The following TRPC6 variants were observed in gnomAD, a reference collection of about 807,000 sequenced individuals.
TRPC6 encodes the protein short transient receptor potential channel 6.
TRPC6 carries 55 observed loss-of-function variants against 90.7 expected under a neutral mutation model. That is an observed-to-expected ratio of 0.61 (90% CI 0.49 to 0.76). The LOEUF (loss-of-function observed/expected upper bound fraction) is 0.76. TRPC6 is among the 30% of genes least tolerant of loss of function. The pLI is 0.00. For synonymous variants in TRPC6, 393 were observed against 393.0 expected, an observed-to-expected ratio of 1.00 and a Z score of 0.00; for missense variants, 989 against 1,122.7, an observed-to-expected ratio of 0.88 and a Z score of 1.70.
intron 11 of TRPC6, among the ~76,000 whole-genome samples, chr11:101,454,641 G>T (rs1185246923): frequency 6.6e-6 from 1 of 151,422 alleles, no homozygotes; most frequent in East Asian, 1.9e-4. Flanking sequence ...TAAAATATAT[G>T]TAAAATTATG....
intron 2 of TRPC6, among the ~76,000 whole-genome samples, chr11:101,502,822 A>G (rs989397133): frequency 2.0e-5 from 3 of 152,170 alleles, no homozygotes; most frequent in African/African-American, 7.2e-5. Flanking sequence ...CTTTCTGGAT[A>G]GACTGGACCT....
chr11:101,549,675 T>C (rs1861409213), intron 1 of TRPC6, among the ~76,000 whole-genome samples: 1 of 148,698 alleles, frequency 6.7e-6, no homozygotes, highest in African/African-American at 2.5e-5. Flanking sequence ...AGAAAACTTG[T>C]ATGCAAAATG....
chr11:101,572,275 T>C (rs905976783), intron 1 of TRPC6, among the ~76,000 whole-genome samples: 9 of 149,494 alleles, frequency 6.0e-5, no homozygotes, highest in African/African-American at 2.2e-4. Context: ...AAAAAAAAAC[T>C]CATTAGAGAA....
chr11:101,559,651 T>C (rs1861668422), intron 1 of TRPC6, among the ~76,000 whole-genome samples: 1 of 151,788 alleles, frequency 6.6e-6, no homozygotes, highest in Non-Finnish European at 1.5e-5. Context: ...TTTTTTATTA[T>C]ACTTTAAGTT....
chr11:101,453,229 G>A (rs1252562727), intron 12 of TRPC6, 123 bp from the exon 13 acceptor site: 4 of 993,460 alleles, frequency 4.0e-6, no homozygotes, highest in Admixed American at 4.0e-5. Flanking sequence ...TCCTTTGAAA[G>A]GAAATAACTT....
intron 1 of TRPC6, among the ~76,000 whole-genome samples, chr11:101,515,617 T>C (rs1361421387): frequency 6.6e-6 from 1 of 152,174 alleles, no homozygotes; most frequent in Non-Finnish European, 1.5e-5. Context: ...TAGGAGTTTC[T>C]CAAATTATTT....
intron 10 of TRPC6, among the ~76,000 whole-genome samples, chr11:101,463,348 C>T (rs543331478): frequency 9.8e-5 from 15 of 152,298 alleles, no homozygotes; most frequent in African/African-American, 3.4e-4. Context: ...AGCATTCCCT[C>T]TTTTTCTATT....
chr11:101,497,005 A>G lies in TRPC6; in HGVS notation c.946-5267T>C, dbSNP rs563434494. On this transcript the variant is annotated intron_variant, in intron 2 of 12. Transcript: ENST00000344327. ...TCTTAGTCGTCTTTGAATCCTCCCA[A>G]CCTAGCATGGTGTGAGGTACGTAGT... Among the ~76,000 whole-genome samples the G allele has an allele frequency of 7.9e-5, 12 of 152,282 alleles. No individual in the cohort carries two copies. The East Asian group carries it at 2.3e-3, about 29-fold the overall frequency.
intron 1 of TRPC6, among the ~76,000 whole-genome samples, chr11:101,578,455 G>A (rs1423881219): frequency 6.6e-6 from 1 of 152,044 alleles, no homozygotes; most frequent in African/African-American, 2.4e-5. Context: ...AATATGTGGG[G>A]GATTTTACTT....
chr11:101,497,658 G>T (rs776654459), intron 2 of TRPC6, among the ~76,000 whole-genome samples: 25 of 152,280 alleles, frequency 1.6e-4, no homozygotes, highest in South Asian at 4.2e-4. Flanking sequence ...TGACAGAGAA[G>T]AGGACAATTC....
chr11:101,555,732 C>G (rs1054024789), intron 1 of TRPC6, among the ~76,000 whole-genome samples: 1 of 152,054 alleles, frequency 6.6e-6, no homozygotes, highest in Non-Finnish European at 1.5e-5. Context: ...TCTATGAGAA[C>G]TAGTCATTTT....
At chr11:101,498,207 T>C (rs1000076920) in intron 2 of TRPC6, among the ~76,000 whole-genome samples, 2 of 152,222 alleles carry the variant, frequency 1.3e-5, no homozygotes, top group Admixed American at 1.3e-4. Context: ...TGTTTTTTAC[T>C]GACTTTGTGT....
At chr11:101,482,345 T>G (rs908812218) in intron 5 of TRPC6, among the ~76,000 whole-genome samples, 2 of 152,204 alleles carry the variant, frequency 1.3e-5, no homozygotes, top group Non-Finnish European at 2.9e-5. Flanking sequence ...ACATGTATGA[T>G]TGATTCTAAA....
intron 2 of TRPC6, among the ~76,000 whole-genome samples, chr11:101,502,469 GAACA>G (rs1860153463): frequency 6.6e-6 from 1 of 152,142 alleles, no homozygotes; most frequent in Non-Finnish European, 1.5e-5. Flanking sequence ...GTGAATTAAT[GAACA>G]AATAAAGAAT....
intron 1 of TRPC6, among the ~76,000 whole-genome samples, chr11:101,582,043 A>G (rs1205649001): frequency 6.6e-6 from 1 of 152,254 alleles, no homozygotes; most frequent in African/African-American, 2.4e-5. Context: ...GATATATTAA[A>G]AATAGTGCAT....
intron 1 of TRPC6, among the ~76,000 whole-genome samples, chr11:101,579,565 A>G (rs996928696): frequency 1.4e-4 from 22 of 152,168 alleles, no homozygotes; most frequent in African/African-American, 5.3e-4. Flanking sequence ...GATGCTTGAT[A>G]CTAGTCTTTC....
chr11:101,487,214 A>T (rs187791443), intron 4 of TRPC6, among the ~76,000 whole-genome samples: 2 of 152,142 alleles, frequency 1.3e-5, no homozygotes, highest in Admixed American at 6.5e-5. Context: ...TTTAGGAAAG[A>T]GATTATAATT....
At chr11:101,475,961 GAGAT>G (rs1317483096) in intron 6 of TRPC6, among the ~76,000 whole-genome samples, 4 of 151,058 alleles carry the variant, frequency 2.6e-5, no homozygotes, top group African/African-American at 9.8e-5. Context: ...GAGATACAGA[GAGAT>G]AGATCAAACG....
chr11:101,523,632 C>G (rs1860710426), intron 1 of TRPC6, among the ~76,000 whole-genome samples: 1 of 152,140 alleles, frequency 6.6e-6, no homozygotes, highest in Non-Finnish European at 1.5e-5. Context: ...TCCACATTTT[C>G]TCTTAGTTTA....
Sources: gnomAD v4.1 joint callset for allele counts (sites outside exome capture counted in the v4.1 genomes callset) on GRCh38, gnomAD v4.1.1 for gene constraint, MANE v1.5 for transcripts, NCBI Gene and HGNC (gene_info 2026-07-23, HGNC 2026-07-21) for gene names.